AOPEP: variants seen among roughly 807,000 people sequenced by gnomAD.
AOPEP encodes the protein aminopeptidase O.
A neutral mutation model predicts 98.1 loss-of-function variants in AOPEP; 77 were observed. That is an observed-to-expected ratio of 0.78 (90% CI 0.65 to 0.95). The LOEUF (loss-of-function observed/expected upper bound fraction) is 0.95. Among genes scored for constraint, AOPEP ranks in the 40% least tolerant of loss-of-function variants. The pLI is 0.00. For synonymous variants in AOPEP, 346 were observed against 365.3 expected, an observed-to-expected ratio of 0.95 and a Z score of 0.60; for missense variants, 1,024 against 1,024.7, an observed-to-expected ratio of 1.00 and a Z score of 0.01.
chr9:94,763,097 G>T, intron 2 of AOPEP: 1 of 458,040 alleles, frequency 2.2e-6, no homozygotes. Flanking sequence ...CTCAGGCTGG[G>T]ATGAGAAGCT....
At chr9:95,033,226 A>G (rs2064475788) in intron 13 of AOPEP, among the ~76,000 whole-genome samples, 3 of 151,960 alleles carry the variant, frequency 2.0e-5, no homozygotes, top group Admixed American at 1.3e-4. Context: ...CTTTTGTTCT[A>G]CGCCTTTTTC....
intron 15 of AOPEP, among the ~76,000 whole-genome samples, chr9:95,081,903 T>C (rs536293399): frequency 6.6e-6 from 1 of 151,912 alleles, no homozygotes; most frequent in Non-Finnish European, 1.5e-5. Context: ...CACAAGAGAG[T>C]AGACAGATCC....
intron 4 of AOPEP, 33 bp downstream of exon 4, chr9:94,792,951 A>G (rs763043176): frequency 5.7e-6 from 9 of 1,572,856 alleles, no homozygotes; most frequent in Non-Finnish European, 7.8e-6. Context: ...GGAAGGAAAA[A>G]AAAAAAAACA....
chr9:95,060,468 A>G (rs1319072280), intron 13 of AOPEP, among the ~76,000 whole-genome samples: 1 of 152,248 alleles, frequency 6.6e-6, no homozygotes, highest in Non-Finnish European at 1.5e-5. Context: ...ATGATTAGTC[A>G]TGGAAAACGG....
intron 3 of AOPEP, among the ~76,000 whole-genome samples, chr9:94,792,521 G>T (rs1304983889): frequency 1.3e-5 from 2 of 152,018 alleles, no homozygotes; most frequent in Admixed American, 1.3e-4. Context: ...CCACCCTCAC[G>T]TGAAGGGCTT....
chr9:95,005,171 A>G lies in AOPEP; in HGVS notation c.1991A>G (p.Glu664Gly). 8.7e-7 allele frequency: 1 copy of G among 1,152,734 alleles called. No individual in the cohort carries two copies. The highest frequency in any genetic ancestry group is 1.1e-6 in the Non-Finnish European group (1 of 933,326). 71.4% of individuals were successfully genotyped at this position (1,152,734 alleles called of 1,614,324 possible). A position where few individuals can be genotyped will look rare whatever the true frequency, so the allele number is the denominator to read the frequency against. Residue 664 changes from glutamate to glycine, a missense_variant, in exon 12 of 17, where the codon GAG (glutamate) becomes GGG (glycine). This residue lies in a region of AOPEP where 566 missense variants were observed against 551.7 expected (regional missense o/e 1.03). Transcript: ENST00000375315. ...CTTCCCCCGCAGCCGCTGCAGAGGG[A>G]GCGTCGCGCCGGGGCGGAGTGCGGG... is the stretch of plus-strand genomic sequence containing the variant. ...SSGIPKPLQR[E>G]RRAGAECGLA...
At chr9:95,145,677 C>G in the AOPEP span, among the ~76,000 whole-genome samples, 1 of 152,112 alleles carries the variant, frequency 6.6e-6, no homozygotes, top group Non-Finnish European at 1.5e-5. Flanking sequence ...GATACTGCCG[C>G]ACGCACATGC....
chr9:95,120,482 A>G, the AOPEP span, among the ~76,000 whole-genome samples: 1 of 150,214 alleles, frequency 6.7e-6, no homozygotes, highest in Non-Finnish European at 1.5e-5. Context: ...TGGTGTGATC[A>G]TGGCTCACTG....
chr9:94,752,261 T>C (rs1835969630), intron 1 of AOPEP, among the ~76,000 whole-genome samples: 1 of 152,136 alleles, frequency 6.6e-6, no homozygotes, highest in Non-Finnish European at 1.5e-5. Context: ...TGTGGGCTTC[T>C]GGCCAATGTG....
rs550745324 is a variant in AOPEP at position 94,951,003 on chromosome 9, C to T, written c.1662-4174C>T. Among the ~76,000 whole-genome samples, 114 of 152,340 alleles carry T rather than the reference C, an allele frequency of 7.5e-4. 1 individual carries two copies. Among genetic ancestry groups the T allele is most frequent in the African/African-American group, 2.6e-3 (110 of 41,578 alleles). On this transcript the variant is annotated intron_variant, in intron 7 of 16. Coordinates refer to ENST00000375315, the MANE Select transcript of AOPEP (RefSeq NM_001193329.3). The stretch of plus-strand genomic sequence containing the variant: ...TGCCACCTGCCCACTCTTTAAATAT[C>T]CACATTGCCTCTGTGGTTGTGGTGG...
chr9:94,964,635 CTTTTTTT>C (rs1240777817), intron 9 of AOPEP, among the ~76,000 whole-genome samples: 1 of 122,624 alleles, frequency 8.2e-6, no homozygotes, highest in Non-Finnish European at 1.7e-5. Flanking sequence ...AGTACTTGGA[CTTTTTTT>C]TTTTTTTTTT....
At chr9:94,840,260 AT>A in intron 5 of AOPEP, among the ~76,000 whole-genome samples, 1 of 151,940 alleles carries the variant, frequency 6.6e-6, no homozygotes, top group East Asian at 1.9e-4. Context: ...AGGATCTATG[AT>A]TTTTCTTTTT....
At chr9:95,136,756 A>G in the AOPEP span, among the ~76,000 whole-genome samples, 1 of 152,324 alleles carries the variant, frequency 6.6e-6, no homozygotes, top group South Asian at 2.1e-4. Flanking sequence ...AATGTTGGGA[A>G]TACAGGCCTG....
At chr9:94,894,299 A>G (rs1456153320) in intron 5 of AOPEP, among the ~76,000 whole-genome samples, 6 of 152,254 alleles carry the variant, frequency 3.9e-5, no homozygotes, top group Non-Finnish European at 8.8e-5. Context: ...CCAATAAAAC[A>G]GAGATAACAT....
chr9:94,902,870 A>C (rs1283008747), intron 5 of AOPEP, among the ~76,000 whole-genome samples: 1 of 152,000 alleles, frequency 6.6e-6, no homozygotes, highest in East Asian at 1.9e-4. Context: ...AGCCTGATCA[A>C]CATGGAGAAA....
At chr9:94,929,563 G>A (rs994957964) in intron 7 of AOPEP, among the ~76,000 whole-genome samples, 1 of 151,974 alleles carries the variant, frequency 6.6e-6, no homozygotes, top group African/African-American at 2.4e-5. Context: ...CCATTGTTTC[G>A]GAAAGGAGAT....
At chr9:94,880,693 C>T (rs532796645) in intron 5 of AOPEP, among the ~76,000 whole-genome samples, 1 of 152,208 alleles carries the variant, frequency 6.6e-6, no homozygotes, top group African/African-American at 2.4e-5. Context: ...GTGTACTACT[C>T]TAAAAGCATA....
intron 1 of AOPEP, among the ~76,000 whole-genome samples, chr9:94,748,153 T>C (rs1834937422): frequency 6.6e-6 from 1 of 152,192 alleles, no homozygotes; most frequent in Non-Finnish European, 1.5e-5. Flanking sequence ...CCATTCTTTC[T>C]GCACCTGAAA....
chr9:94,858,512 C>T (rs2044518798), intron 5 of AOPEP, among the ~76,000 whole-genome samples: 1 of 152,186 alleles, frequency 6.6e-6, no homozygotes, highest in Admixed American at 6.5e-5. Flanking sequence ...GAATCTTATT[C>T]CTTACCTCTT....
Sources: gnomAD v4.1 joint callset for allele counts (sites outside exome capture counted in the v4.1 genomes callset) on GRCh38, gnomAD v4.1.1 for gene constraint, gnomAD v4.1.1 regional missense constraint, MANE v1.5 for transcripts, NCBI Gene and HGNC (gene_info 2026-07-23, HGNC 2026-07-21) for gene names.